PDE1A: variants seen among roughly 807,000 people sequenced by gnomAD.
The protein encoded by PDE1A is dual specificity calcium/calmodulin-dependent 3',5'-cyclic nucleotide phosphodiesterase 1A.
A neutral mutation model predicts 61.7 loss-of-function variants in PDE1A; 35 were observed. That is an observed-to-expected ratio of 0.57 (90% CI 0.43 to 0.75). The LOEUF is 0.75. PDE1A is among the 30% of genes least tolerant of loss of function. The pLI is 0.00. For synonymous variants in PDE1A, 232 were observed against 213.2 expected, an observed-to-expected ratio of 1.09 and a Z score of -0.77; for missense variants, 597 against 630.6, an observed-to-expected ratio of 0.95 and a Z score of 0.57.
chr2:182,557,803 T>C, the PDE1A span, among the ~76,000 whole-genome samples: 1 of 152,062 alleles, frequency 6.6e-6, no homozygotes, highest in Non-Finnish European at 1.5e-5. Flanking sequence ...AGAAAACAAC[T>C]TTTAGTAGCA....
chr2:182,624,975 T>C, the PDE1A span, among the ~76,000 whole-genome samples: 4 of 152,156 alleles, frequency 2.6e-5, no homozygotes, highest in Admixed American at 1.3e-4. Flanking sequence ...GTTGAAGCTC[T>C]AATCCCCAGT....
At chr2:182,212,241 TTCTA>T (rs1209512471) in intron 7 of PDE1A, among the ~76,000 whole-genome samples, 1 of 124,820 alleles carries the variant, frequency 8.0e-6, no homozygotes, top group Admixed American at 8.5e-5. Context: ...ATATATATCT[TTCTA>T]TATATATATA....
intron 1 of PDE1A, among the ~76,000 whole-genome samples, chr2:182,319,410 A>G (rs1696562499): frequency 6.6e-6 from 1 of 152,156 alleles, no homozygotes; most frequent in Non-Finnish European, 1.5e-5. Context: ...AGTTAACTGA[A>G]AACTAAACAA....
At chr2:182,683,496 A>T in the PDE1A span, among the ~76,000 whole-genome samples, 1 of 152,216 alleles carries the variant, frequency 6.6e-6, no homozygotes, top group African/African-American at 2.4e-5. Flanking sequence ...CCAAAGGTAA[A>T]AAATGAAACT....
At chr2:182,586,111 T>C in the PDE1A span, among the ~76,000 whole-genome samples, 1 of 152,148 alleles carries the variant, frequency 6.6e-6, no homozygotes, top group African/African-American at 2.4e-5. Flanking sequence ...CCCATCTTTC[T>C]CCTACAAATT....
chr2:182,213,237 A>G (rs1483068529), intron 7 of PDE1A, among the ~76,000 whole-genome samples: 1 of 147,434 alleles, frequency 6.8e-6, no homozygotes, highest in Non-Finnish European at 1.5e-5. Context: ...TAACAAACAG[A>G]AAGGACATCC....
intron 1 of PDE1A, among the ~76,000 whole-genome samples, chr2:182,390,183 G>A (rs952791735): frequency 6.6e-6 from 1 of 152,132 alleles, no homozygotes; most frequent in African/African-American, 2.4e-5. Flanking sequence ...GACTAACACA[G>A]ATTTTGGTAC....
intron 13 of PDE1A, among the ~76,000 whole-genome samples, chr2:182,169,266 G>A (rs1574543262): frequency 6.6e-6 from 1 of 151,938 alleles, no homozygotes; most frequent in East Asian, 1.9e-4. Flanking sequence ...TGGAAATACA[G>A]TTTTAAGGAA....
intron 1 of PDE1A, among the ~76,000 whole-genome samples, chr2:182,380,373 A>G (rs767958272): frequency 1.3e-5 from 2 of 150,820 alleles, no homozygotes; most frequent in Non-Finnish European, 3.0e-5. Flanking sequence ...CGGCCTCCCA[A>G]AGTGCTGGGA....
At chr2:182,317,228 T>A (rs1696392908) in intron 1 of PDE1A, among the ~76,000 whole-genome samples, 1 of 152,016 alleles carries the variant, frequency 6.6e-6, no homozygotes, top group African/African-American at 2.4e-5. Context: ...AGAAAGCAGA[T>A]GCTCTTGGAA....
chr2:182,486,414 C>T (rs1428488608), intron 2 of PDE1A, among the ~76,000 whole-genome samples: 1 of 151,952 alleles, frequency 6.6e-6, no homozygotes, highest in Non-Finnish European at 1.5e-5. Context: ...ATCAAAACCC[C>T]ACCAGGCTTT....
chr2:182,535,179 T>C, the PDE1A span, among the ~76,000 whole-genome samples: 1 of 152,036 alleles, frequency 6.6e-6, no homozygotes. Context: ...GTAATAAGGT[T>C]TTGATGCATT....
At chr2:182,547,013 A>C in the PDE1A span, among the ~76,000 whole-genome samples, 13 of 152,190 alleles carry the variant, frequency 8.5e-5, no homozygotes, top group Admixed American at 6.5e-4. Flanking sequence ...ATTAAGAGGC[A>C]CTCGCAGCTA....
At chr2:182,161,750 C>T (rs1691393494) in intron 13 of PDE1A, among the ~76,000 whole-genome samples, 1 of 151,994 alleles carries the variant, frequency 6.6e-6, no homozygotes, top group African/African-American at 2.4e-5. Flanking sequence ...AGCAGAAATC[C>T]AAGAAACATG....
chr2:182,448,714 T>C (rs978368513), intron 2 of PDE1A, among the ~76,000 whole-genome samples: 1 of 152,098 alleles, frequency 6.6e-6, no homozygotes, highest in Admixed American at 6.6e-5. Flanking sequence ...ATTGGTTTAA[T>C]TTAGTGCAGT....
chr2:182,648,511 CAAAAAAAAA>C, the PDE1A span, among the ~76,000 whole-genome samples: 5 of 76,222 alleles, frequency 6.6e-5, no homozygotes, highest in Non-Finnish European at 1.2e-4. Flanking sequence ...CCTGTCCCCA[CAAAAAAAAA>C]AAAAAAAAAA....
intron 8 of PDE1A, among the ~76,000 whole-genome samples, chr2:182,203,195 C>T (rs1686811967): frequency 6.6e-6 from 1 of 152,088 alleles, no homozygotes; most frequent in Non-Finnish European, 1.5e-5. Flanking sequence ...TGGCGGGCAC[C>T]TGTAGTCCCA....
chr2:182,635,052 G>T, the PDE1A span, among the ~76,000 whole-genome samples: 2 of 151,534 alleles, frequency 1.3e-5, no homozygotes, highest in Admixed American at 6.6e-5. Context: ...ATTGGATACC[G>T]CTCATTATAA....
At chr2:182,243,124 G>A (rs142335290) in intron 2 of PDE1A, among the ~76,000 whole-genome samples, 35 of 152,024 alleles carry the variant, frequency 2.3e-4, no homozygotes, top group African/African-American at 7.0e-4. Flanking sequence ...TATTTGCAAT[G>A]AAATAAAATG....
Sources: gnomAD v4.1 joint callset for allele counts (sites outside exome capture counted in the v4.1 genomes callset) on GRCh38, gnomAD v4.1.1 for gene constraint, MANE v1.5 for transcripts, NCBI Gene and HGNC (gene_info 2026-07-23, HGNC 2026-07-21) for gene names.